The following SSH2 variants were observed in gnomAD, a reference collection of about 807,000 sequenced individuals.
The protein encoded by SSH2 is slingshot protein phosphatase 2.
Under a neutral mutation model 135.2 loss-of-function variants are expected in SSH2, and 37 were observed. The observed-to-expected ratio is 0.27, with a 90% CI of 0.21 to 0.36. The LOEUF is 0.36. Among genes scored for constraint, SSH2 ranks in the 10% least tolerant of loss-of-function variants. The probability of loss-of-function intolerance (pLI) is 1.00; values close to 1 mark genes in which losing one functional copy is unlikely to be tolerated. For synonymous variants in SSH2, 628 were observed against 646.2 expected (o/e 0.97, Z 0.43); for missense variants, 1,408 against 1,765.3 (o/e 0.80, Z 3.63).
chr17:29,724,734 C>T (rs937998510), intron 3 of SSH2, among the ~76,000 whole-genome samples: 36 of 150,834 alleles, frequency 2.4e-4, no homozygotes, highest in Non-Finnish European at 2.2e-4. Context: ...GGATTACAGG[C>T]GCATGCCACC....
intron 1 of SSH2, among the ~76,000 whole-genome samples, chr17:29,896,720 G>A (rs1268100241): frequency 2.0e-5 from 3 of 151,292 alleles, no homozygotes; most frequent in Admixed American, 1.3e-4. Flanking sequence ...TATGTAAAAT[G>A]CAGCCTACAC....
At chr17:29,833,466 T>C (rs778421680) in intron 2 of SSH2, among the ~76,000 whole-genome samples, 8 of 152,196 alleles carry the variant, frequency 5.3e-5, no homozygotes, top group Non-Finnish European at 1.0e-4. Flanking sequence ...CTTTAGTCTA[T>C]ATGTGTCTTT....
chr17:29,862,220 CCAGGCATCCA>C (rs2065777388), intron 1 of SSH2, among the ~76,000 whole-genome samples: 1 of 152,196 alleles, frequency 6.6e-6, no homozygotes, highest in African/African-American at 2.4e-5. Context: ...GTTCCTTCTT[CCAGGCATCCA>C]CAGTTCCTTG....
chr17:29,713,107 G>A (rs1003721699), intron 3 of SSH2, among the ~76,000 whole-genome samples: 1 of 152,098 alleles, frequency 6.6e-6, no homozygotes, highest in Non-Finnish European at 1.5e-5. Flanking sequence ...AGGCTGAGGC[G>A]GGTGGATCAC....
chr17:29,678,649 GTTAA>G (rs1051015487), intron 6 of SSH2, among the ~76,000 whole-genome samples: 1 of 150,406 alleles, frequency 6.6e-6, no homozygotes, highest in Non-Finnish European at 1.5e-5. Flanking sequence ...CTGAAACACA[GTTAA>G]TAGAAATGTC....
At position 29,816,632 on chromosome 17, in the gene SSH2, T is replaced by C. The variant is rs564489055; in HGVS notation, c.145-22695A>G. On this transcript the variant is annotated intron_variant, in intron 2 of 15. Transcript: ENST00000540801. ...TAATTCCTTGATCTAGTTCTAGGACTGAAGGCATGTCACTTAACTTTATTG... is the reference window on the plus strand; with the variant it reads ...TAATTCCTTGATCTAGTTCTAGGACCGAAGGCATGTCACTTAACTTTATTG... Among the ~76,000 whole-genome samples, 13 of 152,102 alleles carry C rather than the reference T, an allele frequency of 8.5e-5. No individual in the cohort carries two copies. In the South Asian group the frequency reaches 2.1e-3, roughly 24 times the overall value.
chr17:29,673,983 C>T, intron 8 of SSH2: 1 of 403,578 alleles, frequency 2.5e-6, no homozygotes, highest in Non-Finnish European at 5.0e-6. Context: ...GAGCTAAAAT[C>T]TTTGCACACA....
intron 3 of SSH2, among the ~76,000 whole-genome samples, chr17:29,761,636 G>A (rs2041312103): frequency 6.6e-6 from 1 of 152,310 alleles, no homozygotes; most frequent in Admixed American, 6.5e-5. Flanking sequence ...CTACTCAAGG[G>A]TGGACGAGAA....
intron 3 of SSH2, among the ~76,000 whole-genome samples, chr17:29,720,076 G>T (rs2039769370): frequency 6.6e-6 from 1 of 152,154 alleles, no homozygotes; most frequent in East Asian, 1.9e-4. Flanking sequence ...CTATTTTCAA[G>T]TTTTGTTGTT....
At chr17:29,905,553 T>C (rs2066637970) in intron 1 of SSH2, among the ~76,000 whole-genome samples, 1 of 152,170 alleles carries the variant, frequency 6.6e-6, no homozygotes, top group Non-Finnish European at 1.5e-5. Context: ...TCAACCCAGA[T>C]GTGCCTGCCC....
intron 11 of SSH2, among the ~76,000 whole-genome samples, chr17:29,660,273 T>G (rs943189445): frequency 2.6e-4 from 39 of 151,506 alleles, no homozygotes; most frequent in Non-Finnish European, 4.6e-4. Context: ...CCTCTCCTTT[T>G]TTTTTTTTTT....
At chr17:29,735,105 T>A (rs761302715) in intron 3 of SSH2, among the ~76,000 whole-genome samples, 2 of 152,134 alleles carry the variant, frequency 1.3e-5, no homozygotes, top group African/African-American at 2.4e-5. Context: ...CCAGAAAAAA[T>A]TAATGTTCTA....
chr17:29,713,171 TA>T (rs1305560944), intron 3 of SSH2, among the ~76,000 whole-genome samples: 1 of 151,814 alleles, frequency 6.6e-6, no homozygotes. Context: ...TCATCTCTAC[TA>T]AAAATATAAA....
rs529044665 is a variant in SSH2 at position 29,693,112 on chromosome 17, C to A, written c.357+2347G>T. ...GTAGCTGGCATGCCACTATGCCCAG[C>A]CAATTTTTTACTTTTTGTAGAGACA... On this transcript the variant is annotated intron_variant, in intron 5 of 15. Coordinates refer to ENST00000540801, the MANE Select transcript of SSH2 (RefSeq NM_001282129.2). Among the ~76,000 whole-genome samples, 15 of 152,002 alleles carry A rather than the reference C, an allele frequency of 9.9e-5. No individual in the cohort carries two copies. In the East Asian group the frequency reaches 2.9e-3, roughly 29 times the overall value.
chr17:29,879,833 A>C (rs557855338), intron 1 of SSH2, among the ~76,000 whole-genome samples: 70 of 152,348 alleles, frequency 4.6e-4, no homozygotes, highest in African/African-American at 1.6e-3. Context: ...GCCAAAGCTC[A>C]TGAAATTAAG....
chr17:29,728,795 G>A (rs973393433), intron 3 of SSH2, among the ~76,000 whole-genome samples: 1 of 152,170 alleles, frequency 6.6e-6, no homozygotes, highest in Non-Finnish European at 1.5e-5. Flanking sequence ...ACATCCATTG[G>A]GGAAAGGAGA....
chr17:29,742,619 C>T lies in SSH2; in HGVS notation c.189-39557G>A, dbSNP rs1427056152. Reference sequence around the variant, plus strand: ...AAAGTGCTGGTATTACAGACATGAGCCACTGTGCCTGGTTAGTTCATTTTT... The same window carrying T: ...AAAGTGCTGGTATTACAGACATGAGTCACTGTGCCTGGTTAGTTCATTTTT... On this transcript the variant is annotated intron_variant, in intron 3 of 15. Coordinates refer to ENST00000540801, the MANE Select transcript of SSH2 (RefSeq NM_001282129.2). Among the ~76,000 whole-genome samples the T allele has an allele frequency of 1.7e-4, 26 of 150,502 alleles. 1 individual carries two copies. The highest frequency in any genetic ancestry group is 5.6e-4 in the African/African-American group (23 of 40,712).
Position 29,695,481 on chromosome 17 carries a change from C to G in SSH2, c.335G>C (p.Arg112Pro). 6.2e-7 allele frequency: 1 copy of G among 1,612,020 alleles called. No homozygotes were observed. Among genetic ancestry groups the G allele is most frequent in the Non-Finnish European group, 8.5e-7 (1 of 1,179,142 alleles). The change falls in exon 5 of 16, where the codon CGC becomes CCC. Residue 112 changes from arginine to proline, a missense_variant. Coordinates refer to ENST00000540801, the MANE Select transcript of SSH2 (RefSeq NM_001282129.2). Reference protein sequence around the residue: ...QHLQAMFILLRPEDNIRLAVR... With the variant: ...QHLQAMFILLPPEDNIRLAVR... ...TACCAGCCTGATGTTGTCTTCTGGG[C>G]GGAGTAAAATGAACATTGCTTGGAG...
chr17:29,893,478 G>A (rs554066755), intron 1 of SSH2, among the ~76,000 whole-genome samples: 12 of 152,184 alleles, frequency 7.9e-5, no homozygotes, highest in South Asian at 6.2e-4. Context: ...CTGTTCACCC[G>A]TTTTCCCCTT....
Sources: allele counts gnomAD v4.1 joint callset (sites outside exome capture counted in the v4.1 genomes callset), GRCh38; gene constraint gnomAD v4.1.1; transcripts MANE v1.5; gene names NCBI Gene and HGNC (gene_info 2026-07-23, HGNC 2026-07-21).